Variants in NOSIP observed in about 807,000 individuals in gnomAD.
NOSIP encodes the protein nitric oxide synthase interacting protein.
In NOSIP, 25 loss-of-function variants were observed where a neutral mutation model predicts 36.4. That is an observed-to-expected ratio of 0.69 (90% CI 0.50 to 0.96). The LOEUF is 0.96. Among genes scored for constraint, NOSIP ranks in the 40% least tolerant of loss-of-function variants. NOSIP has a pLI of 0.00. For synonymous variants in NOSIP, 187 were observed against 179.2 expected (o/e 1.04, Z -0.35); for missense variants, 370 against 429.0 (o/e 0.86, Z 1.21).
chr19:49,574,639 C>T (rs1202164260), intron 1 of NOSIP, among the ~76,000 whole-genome samples: 12 of 152,172 alleles, frequency 7.9e-5, no homozygotes, highest in Admixed American at 2.6e-4. Flanking sequence ...AGGCTACCAG[C>T]ATTGTGGGGT....
At chr19:49,568,797 AGTTTGT>A (rs1568408557) in intron 1 of NOSIP, among the ~76,000 whole-genome samples, 24 of 131,052 alleles carry the variant, frequency 1.8e-4, no homozygotes, top group African/African-American at 5.3e-4. Context: ...AAAAAAAAAT[AGTTTGT>A]TTGTTTGTTT....
chr19:49,557,526 G>A lies in NOSIP; in HGVS notation c.259-277C>T, dbSNP rs112795659. 893 of 1,282,490 alleles carry A rather than the reference G, an allele frequency of 7.0e-4. 12 individuals carry two copies. The African/African-American group carries it at 0.012, about 17-fold the overall frequency. 79.4% of individuals were successfully genotyped at this position (1,282,490 alleles called of 1,614,324 possible). A position where few individuals can be genotyped will look rare whatever the true frequency, so the allele number is the denominator to read the frequency against. ...TCTTCATCTGTAAAACAGCCTAACA[G>A]TGGTTACCCACCTCAGCGGCTCACT... is the stretch of plus-strand genomic sequence containing the variant. On this transcript the variant is annotated intron_variant, in intron 4 of 8. Transcript: ENST00000596358.
At chr19:49,577,769 A>G (rs1037759007) in intron 1 of NOSIP, among the ~76,000 whole-genome samples, 38 of 132,948 alleles carry the variant, frequency 2.9e-4, no homozygotes, top group African/African-American at 9.2e-4. Flanking sequence ...TGTCTCGGGA[A>G]AAAAAAAAAA....
At chr19:49,562,137 T>C (rs1568404309) in intron 1 of NOSIP, among the ~76,000 whole-genome samples, 1 of 152,128 alleles carries the variant, frequency 6.6e-6, no homozygotes, top group Non-Finnish European at 1.5e-5. Flanking sequence ...TGTTTGTTTT[T>C]TGAGACGGAG....
Position 49,555,734 on chromosome 19 carries a change from T to C in NOSIP, c.*17A>G. The C allele has an allele frequency of 1.2e-6, 2 of 1,610,066 alleles. No individual in the cohort carries two copies. The highest frequency in any genetic ancestry group is 1.7e-6 in the Non-Finnish European group (2 of 1,177,130). The stretch of plus-strand genomic sequence containing the variant: ...CGTTGCGCACCCAAGCCGGTTTATT[T>C]GGTCTCCCGCACACACTCAGGCCTG... On this transcript the variant is annotated 3_prime_UTR_variant, in exon 9 of 9. Transcript: ENST00000596358.
At chr19:49,558,344 G>A (rs1463804812) in intron 4 of NOSIP, 1 of 150,854 alleles carries the variant, frequency 6.6e-6, no homozygotes, top group African/African-American at 2.5e-5. Context: ...TACCTCATGG[G>A]TTCAAGCGAT....
At chr19:49,579,505 T>C (rs2080597391) in intron 1 of NOSIP, among the ~76,000 whole-genome samples, 1 of 152,228 alleles carries the variant, frequency 6.6e-6, no homozygotes, top group Non-Finnish European at 1.5e-5. Flanking sequence ...AAGTCCCCTC[T>C]ACTTTAACCT....
intron 1 of NOSIP, among the ~76,000 whole-genome samples, chr19:49,579,886 A>G (rs1016309764): frequency 1.3e-5 from 2 of 152,090 alleles, no homozygotes; most frequent in African/African-American, 4.8e-5. Context: ...CATTTTCGTA[A>G]GAAAACATTA....
At chr19:49,578,074 A>C (rs1225136806) in intron 1 of NOSIP, among the ~76,000 whole-genome samples, 1 of 152,034 alleles carries the variant, frequency 6.6e-6, no homozygotes, top group Non-Finnish European at 1.5e-5. Context: ...AACACCACTG[A>C]ATTGTATATT....
intron 3 of NOSIP, chr19:49,559,573 C>A (rs1417559603): frequency 4.4e-6 from 1 of 228,796 alleles, no homozygotes; most frequent in Non-Finnish European, 8.7e-6. Context: ...CTGTCTTCTA[C>A]AAAATATACC....
chr19:49,578,584 T>C (rs1343814771), intron 1 of NOSIP, among the ~76,000 whole-genome samples: 1 of 151,818 alleles, frequency 6.6e-6, no homozygotes, highest in Non-Finnish European at 1.5e-5. Context: ...GGCAGGAGGA[T>C]CGCTTAAGCC....
chr19:49,575,715 GAC>G (rs1366427309), intron 1 of NOSIP, among the ~76,000 whole-genome samples: 4 of 152,188 alleles, frequency 2.6e-5, no homozygotes, highest in Non-Finnish European at 2.9e-5. Flanking sequence ...AGCAGCCACA[GAC>G]ACACAAACGG....
intron 1 of NOSIP, among the ~76,000 whole-genome samples, chr19:49,568,794 AATAGT>A (rs1256452755): frequency 1.5e-5 from 2 of 131,516 alleles, no homozygotes; most frequent in East Asian, 2.0e-4. Flanking sequence ...AAAAAAAAAA[AATAGT>A]TTGTTTGTTT....
At chr19:49,559,718 C>T (rs2080305579) in intron 3 of NOSIP, 1 of 573,660 alleles carries the variant, frequency 1.7e-6, no homozygotes. Flanking sequence ...AGCCCTACAC[C>T]CCATTAGAAG....
intron 1 of NOSIP, among the ~76,000 whole-genome samples, chr19:49,561,234 G>A (rs1250308898): frequency 6.6e-6 from 1 of 152,192 alleles, no homozygotes; most frequent in Non-Finnish European, 1.5e-5. Flanking sequence ...TCTAGCAGCT[G>A]TGATTATGTC....
At chr19:49,564,453 C>CAAAAAAAAAAAAAAAA (rs1011453088) in intron 1 of NOSIP, among the ~76,000 whole-genome samples, 1 of 42,558 alleles carries the variant, frequency 2.3e-5, no homozygotes, top group African/African-American at 8.3e-5. Context: ...GACTCCATCT[C>CAAAAAAAAAAAAAAAA]AAAAAAAAAA....
chr19:49,557,098 G>A lies in NOSIP; in HGVS notation c.410C>T (p.Thr137Ile), dbSNP rs1481391496. 2 of 1,611,536 alleles carry A rather than the reference G, an allele frequency of 1.2e-6. No individual in the cohort carries two copies. Among genetic ancestry groups the A allele is most frequent in the Non-Finnish European group, 1.7e-6 (2 of 1,178,930 alleles). ...AGCCCAACCTGAGTCACCTGGGCTGGTGCCCGAGAGGGCCTTGGCTGTGAA... is the reference window on the plus strand; with the variant it reads ...AGCCCAACCTGAGTCACCTGGGCTGATGCCCGAGAGGGCCTTGGCTGTGAA... ...NPFTAKALSGTSPDDVQPGPS... is the reference protein window; with the variant it reads ...NPFTAKALSGISPDDVQPGPS... Residue 137 changes from threonine to isoleucine, a missense_variant, in exon 5 of 9, where the codon ACC (threonine) becomes ATC (isoleucine). Thr to Ile is a moderately conservative substitution (Grantham distance 89). Coordinates refer to ENST00000596358, the MANE Select transcript of NOSIP (RefSeq NM_001270960.2).
chr19:49,568,415 C>T lies in NOSIP; in HGVS notation c.-1-7723G>A, dbSNP rs961987178. 1.1e-4 allele frequency among the ~76,000 whole-genome samples: 16 copies of T among 152,002 alleles called. 1 individual carries two copies. The highest frequency in any genetic ancestry group is 6.6e-4 in the Admixed American group (10 of 15,248). On this transcript the variant is annotated intron_variant, in intron 1 of 8. Coordinates refer to ENST00000596358, the MANE Select transcript of NOSIP (RefSeq NM_001270960.2). ...CGGTGGTGGTATTTGTTTGAAGTGCCGTGTATGTGTGCTTTGTGTATTCCC... is the reference window on the plus strand; with the variant it reads ...CGGTGGTGGTATTTGTTTGAAGTGCTGTGTATGTGTGCTTTGTGTATTCCC...
intron 1 of NOSIP, among the ~76,000 whole-genome samples, chr19:49,578,807 C>G (rs2080586471): frequency 1.3e-5 from 2 of 151,854 alleles, no homozygotes; most frequent in African/African-American, 2.4e-5. Flanking sequence ...CCATCATGCC[C>G]GGCTAAGGGG....
Sources: gnomAD v4.1 joint callset for allele counts (sites outside exome capture counted in the v4.1 genomes callset) on GRCh38, gnomAD v4.1.1 for gene constraint, MANE v1.5 for transcripts, NCBI Gene and HGNC (gene_info 2026-07-23, HGNC 2026-07-21) for gene names.